Variants in MFAP1 observed in about 807,000 individuals in gnomAD.
MFAP1 encodes the protein microfibril associated protein 1.
Under a neutral mutation model 62.2 loss-of-function variants are expected in MFAP1, and 18 were observed. The observed-to-expected ratio is 0.29, with a 90% CI of 0.20 to 0.43. MFAP1 has a LOEUF of 0.43. Ranked by LOEUF, MFAP1 falls within the 20% of genes least tolerant of loss-of-function variation. MFAP1 has a pLI of 1.00. For missense variants in MFAP1, 355 were observed against 559.7 expected, an observed-to-expected ratio of 0.63 and a Z score of 3.69; for synonymous variants, 175 against 180.4, an observed-to-expected ratio of 0.97 and a Z score of 0.24.
intron 6 of MFAP1, chr15:43,810,122 C>A: frequency 1.9e-6 from 1 of 517,440 alleles, no homozygotes; most frequent in East Asian, 3.1e-5. Context: ...TGCCAACTTT[C>A]AAAAGTTGAT....
chr15:43,821,154 G>A (rs913121239), intron 1 of MFAP1, among the ~76,000 whole-genome samples: 3 of 151,920 alleles, frequency 2.0e-5, no homozygotes, highest in African/African-American at 7.3e-5. Context: ...TACCATTAAC[G>A]GTCACAAGTA....
At position 43,814,990 on chromosome 15, in the gene MFAP1, T is replaced by A; in HGVS notation, c.384A>T (p.Glu128Asp). 5 of 1,614,168 alleles carry A rather than the reference T, an allele frequency of 3.1e-6. No homozygotes were observed. The highest frequency in any genetic ancestry group is 4.2e-6 in the Non-Finnish European group (5 of 1,180,036). Reference protein sequence around the residue: ...SEVEGDAWRMEREDSSEEEEE... With the variant: ...SEVEGDAWRMDREDSSEEEEE... ...CCTCTTCTTCACTGCTGTCTTCTCG[T>A]TCCATGCGCCAAGCATCTCCTTCTA... Residue 128 changes from glutamate to aspartate, a missense_variant, in exon 3 of 9, where the codon GAA becomes GAT. Physicochemically the swap from Glu to Asp is conservative, Grantham distance 45. Coordinates refer to ENST00000267812, the MANE Select transcript of MFAP1 (RefSeq NM_005926.3).
intron 1 of MFAP1, 99 bp from the exon 2 acceptor site, chr15:43,817,547 A>C: frequency 8.5e-7 from 1 of 1,170,920 alleles, no homozygotes; most frequent in Non-Finnish European, 1.2e-6. Flanking sequence ...CATAGTAGAC[A>C]AGAGTCTAAG....
intron 1 of MFAP1, 102 bp downstream of exon 1, chr15:43,824,389 A>G: frequency 8.7e-7 from 1 of 1,146,942 alleles, no homozygotes; most frequent in South Asian, 1.4e-5. Context: ...GCCAGATCTC[A>G]AGAGCTGGCG....
Position 43,817,300 on chromosome 15 carries a change from C to T in MFAP1, c.228G>A (p.Gln76=), listed in dbSNP as rs111888798. The T allele has an allele frequency of 3.1e-3, 5,070 of 1,614,152 alleles. 12 individuals carry two copies. Among genetic ancestry groups the T allele is most frequent in the Non-Finnish European group, 4.1e-3 (4,789 of 1,180,028 alleles). The part of the protein sequence containing the change: ...AKEQEAEPEE[Q]EEDSSSDPRL... Reference sequence around the variant, plus strand: ...GGGGGTCACTGGATGAATCCTCCTCCTGTTCCTCAGGCTCTGCTTCTTGTT... The same window carrying T: ...GGGGGTCACTGGATGAATCCTCCTCTTGTTCCTCAGGCTCTGCTTCTTGTT... Residue 76 remains glutamine (Q), a synonymous_variant, in exon 2 of 9, where the codon CAG becomes CAA. Transcript: ENST00000267812.
intron 2 of MFAP1, among the ~76,000 whole-genome samples, chr15:43,816,394 G>A (rs1308637961): frequency 6.6e-6 from 1 of 151,744 alleles, no homozygotes; most frequent in Non-Finnish European, 1.5e-5. Flanking sequence ...ACAGGTGCCC[G>A]CCACCAGGCC....
Position 43,805,430 on chromosome 15 carries a change from G to A in MFAP1, c.1083C>T (p.Ser361=), listed in dbSNP as rs750419049. The change falls in exon 8 of 9, where the codon AGC becomes AGT. Residue 361 remains serine (S), a synonymous_variant. Coordinates refer to ENST00000267812, the MANE Select transcript of MFAP1 (RefSeq NM_005926.3). ...EDEEVYKRDF[S]APTLEDHFNK... ...TGAAATGATCCTCCAGGGTAGGAGC[G>A]CTGAAATCTCTCTTGTATACTTCTT... The A allele has an allele frequency of 1.1e-5, 18 of 1,613,560 alleles. No homozygotes were observed. Among genetic ancestry groups the A allele is most frequent in the South Asian group, 2.2e-5 (2 of 90,926 alleles).
chr15:43,811,462 G>C (rs1263110858), intron 6 of MFAP1, among the ~76,000 whole-genome samples: 1 of 149,260 alleles, frequency 6.7e-6, no homozygotes, highest in Non-Finnish European at 1.5e-5. Flanking sequence ...GCTGAGTATG[G>C]AGTTATCTAC....
Position 43,824,663 on chromosome 15 carries a change from A to C in MFAP1, c.-94T>G. On this transcript the variant is annotated 5_prime_UTR_variant, in exon 1 of 9. Coordinates refer to ENST00000267812, the MANE Select transcript of MFAP1 (RefSeq NM_005926.3). ...GAAGAGAAGAAATTCCTTCCACCTG[A>C]GTCCGCGAACACAGCTGCGCGACTG... 3.8e-6 allele frequency: 5 copies of C among 1,320,526 alleles called. No individual in the cohort carries two copies. Among genetic ancestry groups the C allele is most frequent in the Non-Finnish European group, 5.4e-6 (5 of 921,090 alleles). 81.8% of individuals were successfully genotyped at this position (1,320,526 alleles called of 1,614,324 possible).
chr15:43,817,206 G>A, intron 2 of MFAP1, 23 bp downstream of exon 2: 1 of 1,606,438 alleles, frequency 6.2e-7, no homozygotes, highest in African/African-American at 1.3e-5. Flanking sequence ...TCATGTTCAA[G>A]TAAACACAAT....
chr15:43,819,148 G>C (rs960748097), intron 1 of MFAP1, among the ~76,000 whole-genome samples: 1 of 152,084 alleles, frequency 6.6e-6, no homozygotes, highest in African/African-American at 2.4e-5. Flanking sequence ...AGCTGAGATC[G>C]TGCTACTGCA....
At chr15:43,814,382 C>G (rs1180969221) in intron 4 of MFAP1, 119 bp downstream of exon 4, 5 of 1,185,896 alleles carry the variant, frequency 4.2e-6, no homozygotes, top group Admixed American at 2.4e-5. Flanking sequence ...AGAGCACTAG[C>G]AAAAGCACTT....
At chr15:43,815,184 G>GTTTT in intron 2 of MFAP1, 110 bp from the exon 3 acceptor site, 49 of 1,179,828 alleles carry the variant, frequency 4.2e-5, no homozygotes, top group East Asian at 5.4e-5. Context: ...TAATACTGAA[G>GTTTT]TTTTTTTTTT....
At chr15:43,806,499 G>C (rs2141704124) in intron 7 of MFAP1, among the ~76,000 whole-genome samples, 1 of 152,254 alleles carries the variant, frequency 6.6e-6, no homozygotes, top group African/African-American at 2.4e-5. Context: ...CTCACATACT[G>C]TCATGGCACT....
chr15:43,807,975 C>T (rs1320942779), intron 7 of MFAP1, among the ~76,000 whole-genome samples: 1 of 152,062 alleles, frequency 6.6e-6, no homozygotes, highest in Admixed American at 6.6e-5. Context: ...ATAGCAAAAC[C>T]CATCTCTACA....
intron 2 of MFAP1, 109 bp from the exon 3 acceptor site, chr15:43,815,183 A>ATT: frequency 1.5e-6 from 2 of 1,350,184 alleles, no homozygotes; most frequent in Non-Finnish European, 2.0e-6. Context: ...TTAATACTGA[A>ATT]GTTTTTTTTT....
intron 1 of MFAP1, 146 bp from the exon 2 acceptor site, chr15:43,817,594 C>T: frequency 2.6e-6 from 2 of 780,962 alleles, no homozygotes; most frequent in Non-Finnish European, 4.1e-6. Context: ...ACCATCTACT[C>T]TTCTAATGGT....
intron 6 of MFAP1, among the ~76,000 whole-genome samples, chr15:43,811,288 A>G (rs2087398965): frequency 6.7e-6 from 1 of 149,732 alleles, no homozygotes; most frequent in Non-Finnish European, 1.5e-5. Context: ...GGTGGCATAT[A>G]CCTGTAGTCC....
chr15:43,818,543 C>T (rs1043873084), intron 1 of MFAP1, among the ~76,000 whole-genome samples: 2 of 148,356 alleles, frequency 1.3e-5, no homozygotes, highest in Non-Finnish European at 3.0e-5. Context: ...AACCCCTAGA[C>T]CAACACAACT....
Sources: gnomAD v4.1 joint callset for allele counts (sites outside exome capture counted in the v4.1 genomes callset) on GRCh38, gnomAD v4.1.1 for gene constraint, MANE v1.5 for transcripts, NCBI Gene and HGNC (gene_info 2026-07-23, HGNC 2026-07-21) for gene names.